Variants in EDIL3 observed in about 807,000 individuals in gnomAD.
EDIL3 encodes EGF-like repeat and discoidin I-like domain-containing protein 3.
EDIL3 carries 37 observed loss-of-function variants against 67.4 expected under a neutral mutation model. The ratio of observed to expected loss-of-function variants is 0.55; its 90% CI spans 0.42 to 0.72. The LOEUF (loss-of-function observed/expected upper bound fraction) is 0.72. Among genes scored for constraint, EDIL3 ranks in the 30% least tolerant of loss-of-function variants. The pLI, the probability that EDIL3 is intolerant of heterozygous loss-of-function variation, is 0.00. For synonymous variants in EDIL3, 195 were observed against 196.3 expected (o/e 0.99, Z 0.05); for missense variants, 527 against 586.3 (o/e 0.90, Z 1.04).
chr5:84,204,804 TA>T (rs11322668), intron 3 of EDIL3, among the ~76,000 whole-genome samples: 77,620 of 138,338 alleles, frequency 0.56, 21,359 homozygotes, highest in East Asian at 0.69. Flanking sequence ...GGCCAATATT[TA>T]AAAAAAAAAA....
intron 1 of EDIL3, among the ~76,000 whole-genome samples, chr5:84,316,781 C>T (rs1350313453): frequency 6.6e-6 from 1 of 152,154 alleles, no homozygotes. Flanking sequence ...CTACAGAACT[C>T]TCCACCCTAA....
intron 9 of EDIL3, among the ~76,000 whole-genome samples, chr5:83,983,940 G>A (rs563970215): frequency 5.3e-5 from 8 of 152,052 alleles, no homozygotes; most frequent in East Asian, 1.9e-4. Flanking sequence ...CCAAGTAAGC[G>A]TCAGAATCAG....
At chr5:84,174,437 C>T (rs1433476775) in intron 4 of EDIL3, among the ~76,000 whole-genome samples, 4 of 152,136 alleles carry the variant, frequency 2.6e-5, no homozygotes, top group Admixed American at 2.6e-4. Context: ...GTTCAAAGGG[C>T]CTATAACAAC....
At chr5:84,085,452 C>T (rs1747052488) in intron 6 of EDIL3, among the ~76,000 whole-genome samples, 1 of 152,150 alleles carries the variant, frequency 6.6e-6, no homozygotes. Context: ...AGGTCAGCTG[C>T]AGTTTGCTGG....
At chr5:84,195,449 A>G (rs2112372392) in intron 3 of EDIL3, among the ~76,000 whole-genome samples, 1 of 152,122 alleles carries the variant, frequency 6.6e-6, no homozygotes, top group East Asian at 1.9e-4. Context: ...TGATCAGTAC[A>G]GTAAAGTTTT....
intron 1 of EDIL3, among the ~76,000 whole-genome samples, chr5:84,290,486 C>T (rs997788939): frequency 6.6e-6 from 1 of 152,066 alleles, no homozygotes; most frequent in Non-Finnish European, 1.5e-5. Flanking sequence ...GAATATGCCA[C>T]CTCAAAATTA....
chr5:84,284,247 AT>A (rs1561245107), intron 1 of EDIL3, among the ~76,000 whole-genome samples: 1 of 152,174 alleles, frequency 6.6e-6, no homozygotes, highest in Non-Finnish European at 1.5e-5. Context: ...CTGTATGTAT[AT>A]GTTTATTCTA....
At chr5:84,094,300 A>G (rs1291212630) in intron 6 of EDIL3, among the ~76,000 whole-genome samples, 1 of 152,222 alleles carries the variant, frequency 6.6e-6, no homozygotes, top group African/African-American at 2.4e-5. Flanking sequence ...AGTTTAAAAA[A>G]TATCATTAGA....
intron 9 of EDIL3, among the ~76,000 whole-genome samples, chr5:84,001,246 A>T (rs563427608): frequency 6.6e-6 from 1 of 152,152 alleles, no homozygotes; most frequent in South Asian, 2.1e-4. Flanking sequence ...ATGAGGTTTC[A>T]CCATGTAGGC....
intron 1 of EDIL3, among the ~76,000 whole-genome samples, chr5:84,317,701 A>G (rs1265680112): frequency 2.6e-5 from 4 of 152,188 alleles, no homozygotes; most frequent in African/African-American, 9.6e-5. Flanking sequence ...CCCAAAGCCA[A>G]TATCATACTG....
chr5:83,984,466 T>C (rs1188958154), intron 9 of EDIL3, among the ~76,000 whole-genome samples: 4 of 152,020 alleles, frequency 2.6e-5, no homozygotes, highest in Non-Finnish European at 4.4e-5. Context: ...ATCCGGGGAA[T>C]CAACTGGAAA....
At chr5:84,376,517 C>G (rs1007661373) in intron 1 of EDIL3, among the ~76,000 whole-genome samples, 8 of 152,278 alleles carry the variant, frequency 5.3e-5, no homozygotes, top group African/African-American at 1.7e-4. Context: ...CCTGCCTGCA[C>G]TTGAATATTA....
At chr5:84,002,444 T>C (rs73145908) in intron 9 of EDIL3, among the ~76,000 whole-genome samples, 18,770 of 152,162 alleles carry the variant, frequency 0.12, 2,869 homozygotes, top group African/African-American at 0.36. Flanking sequence ...CTAGAGAAGC[T>C]AGCCAAAACA....
intron 9 of EDIL3, among the ~76,000 whole-genome samples, chr5:84,035,866 C>T (rs1347456110): frequency 1.3e-5 from 2 of 152,134 alleles, no homozygotes; most frequent in Middle Eastern, 3.2e-3. Context: ...TTCTAATTTA[C>T]CAGTATACAC....
intron 3 of EDIL3, among the ~76,000 whole-genome samples, chr5:84,226,397 A>G (rs147392687): frequency 1.2e-3 from 183 of 151,882 alleles, no homozygotes; most frequent in African/African-American, 4.1e-3. Flanking sequence ...ACTGAAAAAT[A>G]TAAGTGAACA....
At chr5:84,119,748 G>C (rs1747737893) in intron 5 of EDIL3, among the ~76,000 whole-genome samples, 1 of 151,876 alleles carries the variant, frequency 6.6e-6, no homozygotes, top group Non-Finnish European at 1.5e-5. Context: ...AGGATAAATG[G>C]AGATAAAGTT....
chr5:84,089,811 T>C (rs903033206), intron 6 of EDIL3, among the ~76,000 whole-genome samples: 4 of 152,220 alleles, frequency 2.6e-5, no homozygotes, highest in Admixed American at 6.5e-5. Flanking sequence ...TCCGTTGAGC[T>C]TTCTCCATCC....
intron 9 of EDIL3, among the ~76,000 whole-genome samples, chr5:84,010,451 T>A (rs1745497832): frequency 6.6e-6 from 1 of 152,188 alleles, no homozygotes; most frequent in African/African-American, 2.4e-5. Flanking sequence ...TATTTCACTC[T>A]GTTCTATTCT....
At chr5:83,962,565 G>A (rs1342068028) in intron 10 of EDIL3, among the ~76,000 whole-genome samples, 1 of 151,528 alleles carries the variant, frequency 6.6e-6, no homozygotes, top group East Asian at 1.9e-4. Context: ...TTTGTACAGT[G>A]TGTGTGTATA....
Sources: gnomAD v4.1 joint callset for allele counts (sites outside exome capture counted in the v4.1 genomes callset) on GRCh38, gnomAD v4.1.1 for gene constraint, MANE v1.5 for transcripts, NCBI Gene and HGNC (gene_info 2026-07-23, HGNC 2026-07-21) for gene names.